Variants in CCDC148 observed in about 807,000 individuals in gnomAD.
CCDC148 encodes the protein coiled-coil domain containing 148.
CCDC148 carries 89 observed loss-of-function variants against 85.7 expected under a neutral mutation model. The observed-to-expected ratio is 1.04, with a 90% CI of 0.87 to 1.24. The LOEUF (loss-of-function observed/expected upper bound fraction) is 1.24. Ranked by LOEUF, CCDC148 falls within the 50% of genes most tolerant of loss-of-function variation. CCDC148 has a pLI of 0.00. For missense variants in CCDC148, 692 were observed against 671.7 expected, an observed-to-expected ratio of 1.03 and a Z score of -0.33; for synonymous variants, 230 against 213.9, an observed-to-expected ratio of 1.08 and a Z score of -0.66.
At chr2:158,230,484 C>T (rs1019096814) in intron 10 of CCDC148, among the ~76,000 whole-genome samples, 1 of 152,086 alleles carries the variant, frequency 6.6e-6, no homozygotes, top group Non-Finnish European at 1.5e-5. Flanking sequence ...GAAGACCTCG[C>T]ATATGTTGAG....
chr2:158,359,132 T>C (rs1254982060), intron 1 of CCDC148, among the ~76,000 whole-genome samples: 2 of 152,204 alleles, frequency 1.3e-5, no homozygotes, highest in Non-Finnish European at 2.9e-5. Flanking sequence ...TACAATGTCC[T>C]AGTCTGGTAT....
chr2:158,242,620 T>G (rs1450895069), intron 10 of CCDC148, among the ~76,000 whole-genome samples: 1 of 139,424 alleles, frequency 7.2e-6, no homozygotes, highest in East Asian at 2.2e-4. Context: ...CCACATCTGC[T>G]ACCCACTCTG....
intron 10 of CCDC148, among the ~76,000 whole-genome samples, chr2:158,240,423 A>G (rs970149653): frequency 8.1e-6 from 1 of 123,570 alleles, no homozygotes; most frequent in African/African-American, 2.8e-5. Context: ...ATCCAGTTAG[A>G]TCACTCTCTC....
chr2:158,175,606 T>C (rs954952887), intron 13 of CCDC148, among the ~76,000 whole-genome samples: 1 of 152,032 alleles, frequency 6.6e-6, no homozygotes, highest in Non-Finnish European at 1.5e-5. Context: ...GATCAGCCTA[T>C]CTTGCTCTGA....
At chr2:158,425,283 CA>C in intron 1 of CCDC148, 2 of 535,566 alleles carry the variant, frequency 3.7e-6, no homozygotes. Flanking sequence ...TCGCAATCAC[CA>C]AAACAATCAC....
chr2:158,438,053 G>A (rs975618140), intron 1 of CCDC148, among the ~76,000 whole-genome samples: 1 of 152,114 alleles, frequency 6.6e-6, no homozygotes, highest in Admixed American at 6.6e-5. Flanking sequence ...TATTGCCCAA[G>A]GTAATTTATA....
At chr2:158,234,488 A>C (rs1404195881) in intron 10 of CCDC148, among the ~76,000 whole-genome samples, 1 of 152,194 alleles carries the variant, frequency 6.6e-6, no homozygotes, top group African/African-American at 2.4e-5. Context: ...CTGAAGAATA[A>C]ATTTTTAAAA....
chr2:158,332,820 A>G (rs1693209159), intron 7 of CCDC148, among the ~76,000 whole-genome samples: 1 of 152,056 alleles, frequency 6.6e-6, no homozygotes, highest in South Asian at 2.1e-4. Context: ...TTATTTGCGT[A>G]GAGGTGTTTA....
intron 11 of CCDC148, among the ~76,000 whole-genome samples, chr2:158,216,622 G>C (rs1042545664): frequency 8.6e-5 from 13 of 151,880 alleles, no homozygotes; most frequent in Admixed American, 7.2e-4. Flanking sequence ...GGGCCATCAT[G>C]ACAAAATATT....
intron 2 of CCDC148, among the ~76,000 whole-genome samples, chr2:158,353,627 G>A (rs1206306442): frequency 6.6e-6 from 1 of 151,974 alleles, no homozygotes; most frequent in East Asian, 1.9e-4. Context: ...CATTAATAAT[G>A]GGAGACTTTA....
intron 9 of CCDC148, among the ~76,000 whole-genome samples, chr2:158,303,706 C>G (rs916744712): frequency 6.6e-6 from 1 of 152,102 alleles, no homozygotes; most frequent in Non-Finnish European, 1.5e-5. Context: ...CACTGTCTGC[C>G]TGCATTTACA....
At chr2:158,351,518 C>G (rs12621929) in intron 2 of CCDC148, among the ~76,000 whole-genome samples, 101,265 of 151,202 alleles carry the variant, frequency 0.67, 34,866 homozygotes, top group South Asian at 0.83. Flanking sequence ...CTTTTCCGAC[C>G]GGCTTAAAAA....
chr2:158,388,091 T>G (rs1465188790), intron 1 of CCDC148, among the ~76,000 whole-genome samples: 1 of 152,188 alleles, frequency 6.6e-6, no homozygotes, highest in East Asian at 1.9e-4. Context: ...ATATGGATAA[T>G]GCACATCAAC....
intron 1 of CCDC148, among the ~76,000 whole-genome samples, chr2:158,450,165 G>C (rs991711084): frequency 6.6e-6 from 1 of 152,170 alleles, no homozygotes; most frequent in Non-Finnish European, 1.5e-5. Context: ...ACGGCTGAAG[G>C]ATAGAGTGGG....
intron 11 of CCDC148, among the ~76,000 whole-genome samples, chr2:158,185,209 G>A (rs1685098132): frequency 6.6e-6 from 1 of 152,102 alleles, no homozygotes; most frequent in Admixed American, 6.6e-5. Context: ...GGTTCTCTCA[G>A]AGACCAGAGC....
chr2:158,373,544 T>C (rs967889713), intron 1 of CCDC148, among the ~76,000 whole-genome samples: 2 of 152,076 alleles, frequency 1.3e-5, no homozygotes. Flanking sequence ...ATTATCCTAC[T>C]GGAGCTTCTC....
chr2:158,255,637 G>C (rs1688981996), intron 9 of CCDC148, among the ~76,000 whole-genome samples: 1 of 151,770 alleles, frequency 6.6e-6, no homozygotes, highest in African/African-American at 2.4e-5. Flanking sequence ...GACTCTGAGT[G>C]AACAGTGAGC....
In CCDC148 at chr2:158,345,897, C is replaced by A. The variant is rs1459850732; in HGVS notation, c.148-579G>T. 5.3e-5 allele frequency among the ~76,000 whole-genome samples: 8 copies of A among 152,094 alleles called. No homozygotes were observed. In the East Asian group the frequency reaches 1.3e-3, roughly 26 times the overall value. On this transcript the variant is annotated intron_variant, in intron 2 of 13. Transcript: ENST00000283233. The stretch of plus-strand genomic sequence containing the variant: ...GCTTCAACACTTACTAGAAATATGA[C>A]CTTGAACACACAATTTTAGTCTTTC...
chr2:158,454,230 G>A (rs1482679144), intron 1 of CCDC148, among the ~76,000 whole-genome samples: 1 of 152,216 alleles, frequency 6.6e-6, no homozygotes, highest in South Asian at 2.1e-4. Context: ...GTTTCTTGGT[G>A]AAAAGAAAGG....
Sources: gnomAD v4.1 joint callset for allele counts (sites outside exome capture counted in the v4.1 genomes callset) on GRCh38, gnomAD v4.1.1 for gene constraint, MANE v1.5 for transcripts, NCBI Gene and HGNC (gene_info 2026-07-23, HGNC 2026-07-21) for gene names.